NKAIN2: variants seen among roughly 807,000 people sequenced by gnomAD.
NKAIN2 encodes sodium/potassium-transporting ATPase subunit beta-1-interacting protein 2.
In NKAIN2, 14 loss-of-function variants were observed where a neutral mutation model predicts 32.6. The observed-to-expected ratio is 0.43, with a 90% CI of 0.28 to 0.67. The LOEUF (loss-of-function observed/expected upper bound fraction) is 0.67. Ranked by LOEUF, NKAIN2 falls within the 30% of genes least tolerant of loss-of-function variation. NKAIN2 has a pLI of 0.17. For synonymous variants in NKAIN2, 80 were observed against 87.2 expected (o/e 0.92, Z 0.46); for missense variants, 198 against 258.3 (o/e 0.77, Z 1.60).
chr6:124,348,632 A>G (rs1798561944), intron 2 of NKAIN2, among the ~76,000 whole-genome samples: 2 of 152,202 alleles, frequency 1.3e-5, no homozygotes, highest in South Asian at 4.1e-4. Flanking sequence ...ATGGCCAAAT[A>G]GGAACAGCTC....
At chr6:123,966,800 T>A (rs1778101620) in intron 1 of NKAIN2, among the ~76,000 whole-genome samples, 1 of 152,294 alleles carries the variant, frequency 6.6e-6, no homozygotes, top group South Asian at 2.1e-4. Context: ...TATTTTTCAC[T>A]CAACAAATAC....
At position 123,857,021 on chromosome 6, in the gene NKAIN2, G is replaced by T. The variant is rs145282359; in HGVS notation, c.54+52767G>T. 7.6e-4 allele frequency among the ~76,000 whole-genome samples: 116 copies of T among 151,980 alleles called. 4 individuals carry two copies. In the East Asian group the frequency reaches 0.02, roughly 26 times the overall value. The stretch of plus-strand genomic sequence containing the variant: ...TTAATTGTTTATCTTTTTTTCTCAT[G>T]TTTTTATTCCTCATAGTTGAAGTAT... On this transcript the variant is annotated intron_variant, in intron 1 of 6. Coordinates refer to ENST00000368417, the MANE Select transcript of NKAIN2 (RefSeq NM_001040214.3).
chr6:124,152,618 CTG>C (rs1787788004), intron 1 of NKAIN2, among the ~76,000 whole-genome samples: 1 of 151,902 alleles, frequency 6.6e-6, no homozygotes, highest in Non-Finnish European at 1.5e-5. Context: ...CTTCAAAAAA[CTG>C]GAAATAGAAT....
intron 1 of NKAIN2, among the ~76,000 whole-genome samples, chr6:124,071,816 C>T (rs1196356411): frequency 6.6e-6 from 1 of 152,006 alleles, no homozygotes; most frequent in African/African-American, 2.4e-5. Flanking sequence ...ATTAAAAAGT[C>T]AAAAAGCAGT....
At chr6:124,221,780 A>C (rs1791843289) in intron 1 of NKAIN2, among the ~76,000 whole-genome samples, 1 of 152,120 alleles carries the variant, frequency 6.6e-6, no homozygotes, top group Non-Finnish European at 1.5e-5. Flanking sequence ...AACATGCATG[A>C]GGAAGAATTT....
At chr6:124,762,701 T>C (rs534895772) in intron 4 of NKAIN2, among the ~76,000 whole-genome samples, 59 of 152,154 alleles carry the variant, frequency 3.9e-4, no homozygotes, top group Middle Eastern at 3.4e-3. Context: ...TGCAGTGAAA[T>C]TGGAGAAAAG....
At chr6:123,833,151 C>G (rs533118206) in intron 1 of NKAIN2, among the ~76,000 whole-genome samples, 37 of 152,046 alleles carry the variant, frequency 2.4e-4, no homozygotes, top group African/African-American at 8.4e-4. Flanking sequence ...TCTAGAGTCA[C>G]TTTTTTTTGC....
chr6:124,003,135 C>A (rs1001276728), intron 1 of NKAIN2, among the ~76,000 whole-genome samples: 2 of 152,086 alleles, frequency 1.3e-5, no homozygotes, highest in Non-Finnish European at 2.9e-5. Context: ...GTTAAAAGAA[C>A]AAAATGAACA....
chr6:124,150,327 T>C (rs1285170539), intron 1 of NKAIN2, among the ~76,000 whole-genome samples: 1 of 152,200 alleles, frequency 6.6e-6, no homozygotes, highest in Non-Finnish European at 1.5e-5. Context: ...ACTAATGTAT[T>C]GAAAAGAAAG....
chr6:124,428,452 A>G (rs1775074288), intron 3 of NKAIN2, among the ~76,000 whole-genome samples: 1 of 152,196 alleles, frequency 6.6e-6, no homozygotes, highest in South Asian at 2.1e-4. Context: ...AACTGAAAGC[A>G]GCTGCATTTC....
intron 1 of NKAIN2, among the ~76,000 whole-genome samples, chr6:124,075,879 A>G (rs560966240): frequency 6.6e-6 from 1 of 152,208 alleles, no homozygotes; most frequent in South Asian, 2.1e-4. Context: ...TACAGGCATG[A>G]GCCACTGCGC....
chr6:124,375,605 C>T (rs1799957761), intron 3 of NKAIN2, among the ~76,000 whole-genome samples: 2 of 151,718 alleles, frequency 1.3e-5, no homozygotes, highest in Non-Finnish European at 2.9e-5. Flanking sequence ...GGAAGCAGTA[C>T]AGACTTTATA....
chr6:124,708,998 T>A (rs1272388272), intron 4 of NKAIN2, among the ~76,000 whole-genome samples: 1 of 145,234 alleles, frequency 6.9e-6, no homozygotes, highest in Non-Finnish European at 1.5e-5. Context: ...CTCTTATGAT[T>A]TTGAGATACG....
chr6:123,910,799 C>A (rs748577417), intron 1 of NKAIN2, among the ~76,000 whole-genome samples: 1 of 151,922 alleles, frequency 6.6e-6, no homozygotes, highest in East Asian at 1.9e-4. Flanking sequence ...CCACCACACC[C>A]GGCCAATGCA....
chr6:124,805,603 T>A (rs1455511945), intron 5 of NKAIN2, among the ~76,000 whole-genome samples: 21 of 151,588 alleles, frequency 1.4e-4, no homozygotes, highest in East Asian at 1.2e-3. Context: ...CTCCAAAGGA[T>A]CGCAGTTCCT....
chr6:124,567,516 C>T (rs1438257920), intron 3 of NKAIN2, among the ~76,000 whole-genome samples: 1 of 152,214 alleles, frequency 6.6e-6, no homozygotes, highest in Admixed American at 6.5e-5. Context: ...TAGGGACCAT[C>T]TATATTTTCT....
intron 1 of NKAIN2, among the ~76,000 whole-genome samples, chr6:123,817,734 G>A (rs548370578): frequency 1.3e-5 from 2 of 152,282 alleles, no homozygotes; most frequent in African/African-American, 4.8e-5. Context: ...TAAGCCAGTG[G>A]TAAATGAGGA....
intron 1 of NKAIN2, among the ~76,000 whole-genome samples, chr6:123,948,386 A>G (rs1434496237): frequency 6.6e-6 from 1 of 151,890 alleles, no homozygotes; most frequent in African/African-American, 2.4e-5. Context: ...ATTTCCACCA[A>G]TGGAAATTAG....
At chr6:124,086,102 A>AT (rs144058934) in intron 1 of NKAIN2, among the ~76,000 whole-genome samples, 5,383 of 151,956 alleles carry the variant, frequency 0.035, 313 homozygotes, top group African/African-American at 0.12. Context: ...ATTTAAAGAA[A>AT]TTTTCATTCT....
Sources: gnomAD v4.1 joint callset for allele counts (sites outside exome capture counted in the v4.1 genomes callset) on GRCh38, gnomAD v4.1.1 for gene constraint, MANE v1.5 for transcripts, NCBI Gene and HGNC (gene_info 2026-07-23, HGNC 2026-07-21) for gene names.